The following TTN variants were observed in gnomAD, a reference collection of about 807,000 sequenced individuals.
TTN encodes titin, also known as connectin.
TTN carries 1,525 observed loss-of-function variants against 3,223.0 expected under a neutral mutation model. That is an observed-to-expected ratio of 0.47 (90% CI 0.45 to 0.49). The LOEUF (loss-of-function observed/expected upper bound fraction) is 0.49, where lower values mean the gene tolerates loss of function less well. TTN is among the 20% of genes least tolerant of loss of function. The pLI is 0.00. For synonymous variants in TTN, 14,094 were observed against 15,161.0 expected, an observed-to-expected ratio of 0.93 and a Z score of 5.17; for missense variants, 40,786 against 43,424.0, an observed-to-expected ratio of 0.94 and a Z score of 5.40.
At position 178,789,352 on chromosome 2, in the gene TTN, A is replaced by G; in HGVS notation, c.2076+8T>C. Reference sequence around the variant, plus strand: ...AGGGGATTTCACACTTGGAACAACAATAGTCACCTTTCCATGGGTAACTTG... The same window carrying G: ...AGGGGATTTCACACTTGGAACAACAGTAGTCACCTTTCCATGGGTAACTTG... On this transcript the variant is annotated splice_region_variant and intron_variant, in intron 13 of 362. Transcript: ENST00000589042. 6.2e-7 allele frequency: 1 copy of G among 1,613,166 alleles called. No homozygotes were observed.
chr2:178,747,844 ATGAATGTT>A, intron 47 of TTN: 1 of 1,612,976 alleles, frequency 6.2e-7, no homozygotes, highest in Non-Finnish European at 8.5e-7. Flanking sequence ...CTCCAGAGGC[ATGAATGTT>A]TGTACTTATT....
In TTN at chr2:178,571,872, C is replaced by T; in HGVS notation, c.74260G>A (p.Val24754Ile). ...ACTCTAGTTGTCTGCTTCAGTGGTA[C>T]ATTATCTTTATGCCAGGTTACAGCT... ...TPAVTWHKDN[V>I]PLKQTTRVNA... Residue 24754 changes from valine to isoleucine, a missense_variant, in exon 326 of 363, where the codon GTA becomes ATA. By Grantham distance (29) the Val-to-Ile change is conservative. Coordinates refer to ENST00000589042, the MANE Select transcript of TTN (RefSeq NM_001267550.2). 1 of 1,613,496 alleles carries T rather than the reference C, an allele frequency of 6.2e-7. No homozygotes were observed. Among genetic ancestry groups the T allele is most frequent in the Non-Finnish European group, 8.5e-7 (1 of 1,179,600 alleles).
rs1392056802 is a variant in TTN at position 178,566,218 on chromosome 2, T to C, written c.79914A>G (p.Gln26638=). 6.2e-7 allele frequency: 1 copy of C among 1,613,594 alleles called. No individual in the cohort carries two copies. Among genetic ancestry groups the C allele is most frequent in the African/African-American group, 1.3e-5 (1 of 74,908 alleles). Residue 26638 remains glutamine (Q), a synonymous_variant, in exon 326 of 363, where the codon CAA becomes CAG. Coordinates refer to ENST00000589042, the MANE Select transcript of TTN (RefSeq NM_001267550.2). The stretch of plus-strand genomic sequence containing the variant: ...GGGTATAGTTTACTCCCTTTTCAAT[T>C]TGGACCTTATCTGTGAATTCACCTT... ...REEGEFTDKV[Q]IEKGVNYTQL...
Position 178,563,154 on chromosome 2 carries a change from GAGT to G in TTN, c.82975_82977del (p.Thr27659del). 6.2e-7 allele frequency: 1 copy of G among 1,613,706 alleles called. No individual in the cohort carries two copies. Among genetic ancestry groups the G allele is most frequent in the Non-Finnish European group, 8.5e-7 (1 of 1,179,710 alleles). The stretch of plus-strand genomic sequence containing the variant: ...TCCTGAGCAACCACTGAGCCAGGTA[GAGT>G]TGCAGGTTCACCTACACCTTCAGAA... On this transcript the variant is annotated inframe_deletion, in exon 326 of 363. Transcript: ENST00000589042. This position sits in a 1 kb window ranked among gnomAD's most constrained non-coding sequence, Gnocchi z 4.5.
intron 359 of TTN, among the ~76,000 whole-genome samples, chr2:178,529,637 G>C (rs767629846): frequency 6.6e-6 from 1 of 152,300 alleles, no homozygotes; most frequent in Middle Eastern, 3.4e-3. Flanking sequence ...ATTAGCAACT[G>C]TGAAGGTTTA....
chr2:178,652,062 TAAAAAACAC>T, intron 204 of TTN, 25 bp downstream of exon 204: 1 of 1,612,114 alleles, frequency 6.2e-7, no homozygotes, highest in Non-Finnish European at 8.5e-7. Context: ...AAGATTTTTT[TAAAAAACAC>T]TAATTTGAAT....
At position 178,773,277 on chromosome 2, in the gene TTN, CAT is replaced by C; in HGVS notation, c.7685_7686del (p.Asp2562GlyfsTer6). The C allele has an allele frequency of 6.2e-7, 1 of 1,613,910 alleles. No individual in the cohort carries two copies. The highest frequency in any genetic ancestry group is 8.5e-7 in the Non-Finnish European group (1 of 1,179,966). On this transcript the variant is annotated frameshift_variant, in exon 33 of 363. Coordinates refer to ENST00000589042, the MANE Select transcript of TTN (RefSeq NM_001267550.2). LOFTEE classifies it high-confidence loss of function. The part of the protein sequence containing the change: ...FEVELSHSGI[D>X]VLWNFKDKEI... ...TCCTTGTCCTTAAAATTCCACAGGA[CAT>C]CAATTCCAGAGTGGGACAGCTCAAC...
In TTN at chr2:178,695,870, T is replaced by A; in HGVS notation, c.31202A>T (p.Tyr10401Phe). ...GTCATTCAGTTTATACATACCTTCA[T>A]AGACCTCCTTTTGAACTTGAATTAC... The part of the protein sequence containing the change: ...REVIQVQKEV[Y>F]EESHERKVPA... Residue 10401 changes from tyrosine (Y) to phenylalanine (F), a missense_variant, in exon 114 of 363, where the codon TAT (tyrosine) becomes TTT (phenylalanine). Tyr to Phe is a conservative substitution (Grantham distance 22, BLOSUM62 3). Coordinates refer to ENST00000589042, the MANE Select transcript of TTN (RefSeq NM_001267550.2). 1 of 1,453,468 alleles carries A rather than the reference T, an allele frequency of 6.9e-7. No homozygotes were observed. Among genetic ancestry groups the A allele is most frequent in the Non-Finnish European group, 9.1e-7 (1 of 1,103,600 alleles). 90.0% of individuals were successfully genotyped at this position (1,453,468 alleles called of 1,614,324 possible).
In TTN at chr2:178,734,436, C is replaced by A; in HGVS notation, c.15388G>T (p.Val5130Leu). ...KYRLFSQKSL[V>L]CLEIFSFNSA... ...TTAAACGAAAAGATCTCCAGACACACAAGAGACTTCTGAGAAAACAATCTG... is the reference window on the plus strand; with the variant it reads ...TTAAACGAAAAGATCTCCAGACACAAAAGAGACTTCTGAGAAAACAATCTG... The change falls in exon 52 of 363, where the codon GTG becomes TTG. Residue 5130 changes from valine (V) to leucine (L), a missense_variant. Val to Leu is a conservative substitution (Grantham distance 32, BLOSUM62 1). Transcript: ENST00000589042. 1 of 1,613,758 alleles carries A rather than the reference C, an allele frequency of 6.2e-7. No individual in the cohort carries two copies. Among genetic ancestry groups the A allele is most frequent in the Non-Finnish European group, 8.5e-7 (1 of 1,179,750 alleles).
At chr2:178,722,174 G>GTT in intron 77 of TTN, 40 bp from the exon 78 acceptor site, 3 of 1,529,110 alleles carry the variant, frequency 2.0e-6, no homozygotes, top group Non-Finnish European at 2.6e-6. Flanking sequence ...TTTTTTGTTT[G>GTT]TTTTTTTGCC....
At position 178,583,133 on chromosome 2, in the gene TTN, T is replaced by C. The variant is rs1292937734; in HGVS notation, c.65670A>G (p.Lys21890=). 1.2e-6 allele frequency: 2 copies of C among 1,612,278 alleles called. No individual in the cohort carries two copies. Among genetic ancestry groups the C allele is most frequent in the South Asian group, 1.1e-5 (1 of 90,962 alleles). ...NVCLDATVFG[K]PMPTVSWKKD... is the part of the protein sequence containing the mutation. ...TTTTCCAAGAAACTGTTGGCATCGGTTTACCAAAAACAGTAGCATCCAAGC... is the reference window on the plus strand; with the variant it reads ...TTTTCCAAGAAACTGTTGGCATCGGCTTACCAAAAACAGTAGCATCCAAGC... The change falls in exon 313 of 363, where the codon AAA becomes AAG. Residue 21890 remains lysine, a synonymous_variant. Transcript: ENST00000589042.
chr2:178,575,511 T>C lies in TTN; in HGVS notation c.70621A>G (p.Ile23541Val). ...EAPSPPDSLN[I>V]MDITKSTVSL... ...ACGGTGCTCTTAGTTATGTCCATGA[T>C]GTTAAGGCTGTCTGGTGGAGATGGT... Residue 23541 changes from isoleucine (I) to valine (V), a missense_variant, in exon 326 of 363, where the codon ATC becomes GTC. Ile to Val is a conservative substitution (Grantham distance 29). Coordinates refer to ENST00000589042, the MANE Select transcript of TTN (RefSeq NM_001267550.2). The surrounding 1 kb of genome is among the most constrained non-coding windows in gnomAD (Gnocchi z 4.0). The C allele has an allele frequency of 1.2e-6, 2 of 1,613,702 alleles. No individual in the cohort carries two copies. The highest frequency in any genetic ancestry group is 1.3e-5 in the African/African-American group (1 of 75,038).
In TTN at chr2:178,542,042, G is replaced by A. The variant is rs1575393341; in HGVS notation, c.97492+222C>T. 4 of 430,896 alleles carry A rather than the reference G, an allele frequency of 9.3e-6. No homozygotes were observed. The East Asian group carries it at 1.0e-4, about 11-fold the overall frequency. 26.7% of individuals were successfully genotyped at this position (430,896 alleles called of 1,614,324 possible). On this transcript the variant is annotated intron_variant, in intron 349 of 362. Coordinates refer to ENST00000589042, the MANE Select transcript of TTN (RefSeq NM_001267550.2). ...CTCCCTCCTCTTCTCTTTCATAAGAGTGAAGATATTAAAAAAAAAATCAAG... is the reference window on the plus strand; with the variant it reads ...CTCCCTCCTCTTCTCTTTCATAAGAATGAAGATATTAAAAAAAAAATCAAG...
In TTN at chr2:178,705,246, G is replaced by A. The variant is rs2154291608; in HGVS notation, c.29532C>T (p.Ile9844=). The change falls in exon 103 of 363, where the codon ATC becomes ATT. Residue 9844 remains isoleucine, a synonymous_variant. Coordinates refer to ENST00000589042, the MANE Select transcript of TTN (RefSeq NM_001267550.2). The stretch of plus-strand genomic sequence containing the variant: ...CTTGAAGAAGACCTCGGAAGTCAGT[G>A]ATTCCATACATGCGGGCATATTTTT... ...EYEKYARMYG[I]TDFRGLLQAF... The A allele has an allele frequency of 6.2e-7, 1 of 1,613,720 alleles. No homozygotes were observed. The highest frequency in any genetic ancestry group is 8.5e-7 in the Non-Finnish European group (1 of 1,179,740).
Position 178,615,479 on chromosome 2 carries a change from G to A in TTN, c.48466C>T (p.Pro16156Ser), listed in dbSNP as rs373195648. The A allele has an allele frequency of 1.9e-5, 30 of 1,611,156 alleles. No homozygotes were observed. Among genetic ancestry groups the A allele is most frequent in the Non-Finnish European group, 2.5e-5 (29 of 1,178,232 alleles). Residue 16156 changes from proline to serine, a missense_variant, in exon 259 of 363, where the codon CCT becomes TCT. Physicochemically the swap from Pro to Ser is moderately conservative, Grantham distance 74. Transcript: ENST00000589042. The stretch of plus-strand genomic sequence containing the variant: ...CATTTAACATTCTCTGGTGGGTCAG[G>A]TACCGCTACAACATTTGGAAGAGAG... The part of the protein sequence containing the change: ...PVNMSTPATV[P>S]DPPENVKWRD...
At chr2:178,748,668 G>A in intron 47 of TTN, 1 of 1,612,822 alleles carries the variant, frequency 6.2e-7, no homozygotes, top group South Asian at 1.1e-5. Flanking sequence ...GTGTGAAACT[G>A]CTTTAAGTCA....
chr2:178,683,547 A>G (rs1051210442), intron 133 of TTN, among the ~76,000 whole-genome samples: 4 of 152,128 alleles, frequency 2.6e-5, no homozygotes, highest in Non-Finnish European at 5.9e-5. Context: ...ACTAAACAGC[A>G]TAAATAATGA....
At chr2:178,731,245 T>C (rs770632971) in intron 59 of TTN, 42 bp from the exon 60 acceptor site, 2 of 1,610,474 alleles carry the variant, frequency 1.2e-6, no homozygotes, top group Non-Finnish European at 1.7e-6. Context: ...TGCATTACCC[T>C]GCTGAAAGGC....
Position 178,728,365 on chromosome 2 carries a change from A to AT in TTN, c.19458dup (p.Leu6487IlefsTer6), listed in dbSNP as rs2079736561. ...CCCAGAACTTTATCCATTTTGGTTA[A>AT]TTTTTTGGTGAATGATGGAGGAATA... On this transcript the variant is annotated frameshift_variant, in exon 67 of 363. Transcript: ENST00000589042. LOFTEE classifies it high-confidence loss of function. The AT allele has an allele frequency of 6.2e-7, 1 of 1,603,406 alleles. No homozygotes were observed. Among genetic ancestry groups the AT allele is most frequent in the Non-Finnish European group, 8.5e-7 (1 of 1,175,690 alleles).
Sources: gnomAD v4.1 joint callset for allele counts (sites outside exome capture counted in the v4.1 genomes callset) on GRCh38, gnomAD v4.1.1 for gene constraint, Gnocchi (gnomAD v3.1) non-coding constraint, MANE v1.5 for transcripts, NCBI Gene and HGNC (gene_info 2026-07-23, HGNC 2026-07-21) for gene names.